The following DNM3 variants were observed in gnomAD, a reference collection of about 807,000 sequenced individuals.
DNM3 encodes the protein dynamin-3.
In DNM3, 47 loss-of-function variants were observed where a neutral mutation model predicts 101.6. That is an observed-to-expected ratio of 0.46 (90% CI 0.37 to 0.59). The LOEUF (loss-of-function observed/expected upper bound fraction) is 0.59, where lower values mean the gene tolerates loss of function less well. Among genes scored for constraint, DNM3 ranks in the 20% least tolerant of loss-of-function variants. The probability of loss-of-function intolerance (pLI) is 0.00; values close to 1 mark genes in which losing one functional copy is unlikely to be tolerated. For synonymous variants in DNM3, 385 were observed against 387.9 expected (o/e 0.99, Z 0.09); for missense variants, 849 against 1,085.7 (o/e 0.78, Z 3.06).
At chr1:172,368,908 T>C (rs532411052) in intron 17 of DNM3, among the ~76,000 whole-genome samples, 4 of 151,940 alleles carry the variant, frequency 2.6e-5, no homozygotes, top group Non-Finnish European at 5.9e-5. Flanking sequence ...CCTGGGCACA[T>C]ACAAGCTACC....
chr1:172,225,539 A>G (rs994375241), intron 14 of DNM3, among the ~76,000 whole-genome samples: 1 of 151,568 alleles, frequency 6.6e-6, no homozygotes, highest in Non-Finnish European at 1.5e-5. Context: ...GATAGCTTCT[A>G]TTCTCAACTC....
chr1:172,045,521 G>A (rs2049723957), intron 9 of DNM3, among the ~76,000 whole-genome samples: 1 of 151,946 alleles, frequency 6.6e-6, no homozygotes, highest in Non-Finnish European at 1.5e-5. Flanking sequence ...ACCTCCCAAA[G>A]GCCCTACCTC....
chr1:172,167,241 A>G (rs1344629228), intron 14 of DNM3, among the ~76,000 whole-genome samples: 1 of 152,034 alleles, frequency 6.6e-6, no homozygotes, highest in Non-Finnish European at 1.5e-5. Context: ...CCTACAAAGG[A>G]CATGCACTCA....
intron 14 of DNM3, among the ~76,000 whole-genome samples, chr1:172,184,948 T>C (rs1226789935): frequency 6.6e-6 from 1 of 152,084 alleles, no homozygotes; most frequent in African/African-American, 2.4e-5. Flanking sequence ...TGAGATGCTG[T>C]CTTTGTAACA....
intron 1 of DNM3, among the ~76,000 whole-genome samples, chr1:171,908,654 GAAT>G (rs772680313): frequency 1.6e-4 from 22 of 139,562 alleles, no homozygotes; most frequent in Middle Eastern, 3.7e-3. Context: ...TATTTTAAAT[GAAT>G]AATAATAATA....
intron 15 of DNM3, among the ~76,000 whole-genome samples, chr1:172,291,596 G>T (rs1042234348): frequency 9.9e-5 from 15 of 152,168 alleles, no homozygotes; most frequent in African/African-American, 3.6e-4. Flanking sequence ...TTAAGTATGA[G>T]TGAAGGGTAT....
chr1:172,216,544 T>A (rs996554668), intron 14 of DNM3, among the ~76,000 whole-genome samples: 1 of 152,152 alleles, frequency 6.6e-6, no homozygotes, highest in African/African-American at 2.4e-5. Flanking sequence ...AAACTACTTG[T>A]TGATCTCTTA....
chr1:172,357,743 A>G (rs2067525249), intron 17 of DNM3, among the ~76,000 whole-genome samples: 1 of 152,112 alleles, frequency 6.6e-6, no homozygotes, highest in East Asian at 1.9e-4. Context: ...ATGTACAGGA[A>G]TTCTTTGTAT....
Position 172,411,065 on chromosome 1 carries a change from G to T in DNM3, c.*3224G>T. 1.0e-6 allele frequency: 1 copy of T among 985,174 alleles called. No individual in the cohort carries two copies. 61.0% of individuals were successfully genotyped at this position (985,174 alleles called of 1,614,324 possible). On this transcript the variant is annotated 3_prime_UTR_variant, in exon 21 of 21. Transcript: ENST00000627582. ...GTTAAAATGCCACAAGCATGAGTGTGATTGTATGTGCACTGTGTGTATATA... is the reference window on the plus strand; with the variant it reads ...GTTAAAATGCCACAAGCATGAGTGTTATTGTATGTGCACTGTGTGTATATA...
chr1:172,308,959 CT>C (rs2064965882), intron 16 of DNM3, 120 bp downstream of exon 16: 10 of 488,084 alleles, frequency 2.0e-5, no homozygotes, highest in Non-Finnish European at 3.5e-5. Context: ...ATTAGTTACA[CT>C]TTTAGCTGAT....
At chr1:172,006,943 A>C (rs962097301) in intron 4 of DNM3, among the ~76,000 whole-genome samples, 3 of 152,140 alleles carry the variant, frequency 2.0e-5, no homozygotes, top group Admixed American at 2.0e-4. Flanking sequence ...GCTTCTGCTC[A>C]GCATAATGTT....
intron 2 of DNM3, among the ~76,000 whole-genome samples, chr1:171,943,120 T>TAACAATA (rs2041928475): frequency 6.7e-6 from 1 of 149,938 alleles, no homozygotes; most frequent in South Asian, 2.1e-4. Flanking sequence ...CAAAAAAAAA[T>TAACAATA]AAAAATAAAA....
chr1:172,028,116 T>C (rs189118307), intron 4 of DNM3, among the ~76,000 whole-genome samples: 1 of 152,260 alleles, frequency 6.6e-6, no homozygotes, highest in Non-Finnish European at 1.5e-5. Flanking sequence ...AGAATATACA[T>C]TTTTCTCAGC....
In DNM3 at chr1:172,280,488, G is replaced by T. The variant is rs140880981; in HGVS notation, c.1769+26806G>T. On this transcript the variant is annotated intron_variant, in intron 15 of 20. Coordinates refer to ENST00000627582, the MANE Select transcript of DNM3 (RefSeq NM_015569.5). ...TGAATGAGCATGTGAGTGAATACAT[G>T]TTAGTCTTGATTATGAATATGCTAC... 4.8e-3 allele frequency among the ~76,000 whole-genome samples: 724 copies of T among 152,260 alleles called. 3 individuals are homozygous for T. Among genetic ancestry groups the T allele is most frequent in the African/African-American group, 0.016 (684 of 41,568 alleles).
intron 2 of DNM3, among the ~76,000 whole-genome samples, chr1:171,985,532 C>A (rs544462780): frequency 6.6e-6 from 1 of 152,270 alleles, no homozygotes; most frequent in African/African-American, 2.4e-5. Flanking sequence ...CCTGTTGAGG[C>A]TTTACTGTTG....
chr1:172,222,662 GA>G (rs1166497777), intron 14 of DNM3, among the ~76,000 whole-genome samples: 1 of 152,100 alleles, frequency 6.6e-6, no homozygotes, highest in Non-Finnish European at 1.5e-5. Context: ...TTTAAAAAGA[GA>G]AAAACAAAGC....
chr1:172,076,751 C>T (rs1001293502), intron 11 of DNM3, among the ~76,000 whole-genome samples: 1 of 152,168 alleles, frequency 6.6e-6, no homozygotes, highest in African/African-American at 2.4e-5. Flanking sequence ...CATTGATGTT[C>T]ATCAGGATAT....
At chr1:171,925,379 C>A (rs964314996) in intron 2 of DNM3, among the ~76,000 whole-genome samples, 198 of 152,176 alleles carry the variant, frequency 1.3e-3, no homozygotes, top group African/African-American at 4.4e-3. Context: ...AGGTACCCAC[C>A]ACCACACCTG....
At chr1:171,862,984 C>A (rs1233684727) in intron 1 of DNM3, among the ~76,000 whole-genome samples, 3 of 150,210 alleles carry the variant, frequency 2.0e-5, no homozygotes, top group Admixed American at 2.0e-4. Context: ...TAAATGGGGA[C>A]ACAGTGTGTA....
Sources: gnomAD v4.1 joint callset for allele counts (sites outside exome capture counted in the v4.1 genomes callset) on GRCh38, gnomAD v4.1.1 for gene constraint, MANE v1.5 for transcripts, NCBI Gene and HGNC (gene_info 2026-07-23, HGNC 2026-07-21) for gene names.